Variants in COL5A2 observed in about 807,000 individuals in gnomAD.
COL5A2 encodes collagen type V alpha 2 chain.
A neutral mutation model predicts 208.2 loss-of-function variants in COL5A2; 23 were observed. The observed-to-expected ratio is 0.11, with a 90% CI of 0.08 to 0.16. The LOEUF (loss-of-function observed/expected upper bound fraction) is 0.16, where lower values mean the gene tolerates loss of function less well. Among genes scored for constraint, COL5A2 ranks in the 10% least tolerant of loss-of-function variants. The pLI, the probability that COL5A2 is intolerant of heterozygous loss-of-function variation, is 1.00. For synonymous variants in COL5A2, 625 were observed against 628.5 expected, an observed-to-expected ratio of 0.99 and a Z score of 0.08; for missense variants, 1,590 against 1,956.4, an observed-to-expected ratio of 0.81 and a Z score of 3.53.
At position 189,100,103 on chromosome 2, in the gene COL5A2, T is replaced by G; in HGVS notation, c.369+4A>C. On this transcript the variant is annotated splice_donor_region_variant and intron_variant, in intron 4 of 53. Coordinates refer to ENST00000374866, the MANE Select transcript of COL5A2 (RefSeq NM_000393.5). Reference sequence around the variant, plus strand: ...AAGGAAACAATGATTATACATATACTTACAACAGGCACTAATCCTGGTTCT... The same window carrying G: ...AAGGAAACAATGATTATACATATACGTACAACAGGCACTAATCCTGGTTCT... 1 of 1,607,680 alleles carries G rather than the reference T, an allele frequency of 6.2e-7. No homozygotes were observed. Among genetic ancestry groups the G allele is most frequent in the Non-Finnish European group, 8.5e-7 (1 of 1,174,388 alleles).
the COL5A2 span, among the ~76,000 whole-genome samples, chr2:189,349,880 G>A: frequency 1.3e-5 from 2 of 151,936 alleles, no homozygotes; most frequent in Admixed American, 6.6e-5. Context: ...ATTGCCTTTG[G>A]AAAATTACTC....
intron 46 of COL5A2, 55 bp downstream of exon 46, chr2:189,045,745 T>C: frequency 7.4e-7 from 1 of 1,357,982 alleles, no homozygotes. Flanking sequence ...ATGCAGCTTA[T>C]AACATAGCAT....
the COL5A2 span, among the ~76,000 whole-genome samples, chr2:189,339,061 A>AT: frequency 1.3e-5 from 2 of 152,098 alleles, no homozygotes; most frequent in Admixed American, 6.5e-5. Flanking sequence ...AGCATTTTAG[A>AT]TTTTTTCAGG....
At chr2:189,381,267 ATC>A in the COL5A2 span, among the ~76,000 whole-genome samples, 1 of 152,034 alleles carries the variant, frequency 6.6e-6, no homozygotes, top group Non-Finnish European at 1.5e-5. Flanking sequence ...TAGGAAGACT[ATC>A]TCTGATGAAG....
chr2:189,175,657 C>T (rs1688664374), intron 1 of COL5A2, among the ~76,000 whole-genome samples: 1 of 151,424 alleles, frequency 6.6e-6, no homozygotes, highest in African/African-American at 2.4e-5. Flanking sequence ...AACTCTCGTG[C>T]CTCAGTCTCC....
At chr2:189,393,411 C>G in the COL5A2 span, among the ~76,000 whole-genome samples, 1 of 151,944 alleles carries the variant, frequency 6.6e-6, no homozygotes, top group Non-Finnish European at 1.5e-5. Context: ...CTCATTAATT[C>G]TTTTTTTAAT....
At chr2:189,075,624 A>G (rs78459869) in intron 16 of COL5A2, among the ~76,000 whole-genome samples, 187 bp from the exon 17 acceptor site, 1 of 152,224 alleles carries the variant, frequency 6.6e-6, no homozygotes, top group Non-Finnish European at 1.5e-5. Flanking sequence ...GTAGTCATAA[A>G]TGCATCTATC....
At chr2:189,117,546 G>A (rs762124886) in intron 1 of COL5A2, among the ~76,000 whole-genome samples, 2 of 151,964 alleles carry the variant, frequency 1.3e-5, no homozygotes, top group African/African-American at 4.8e-5. Flanking sequence ...ACAAAAATCT[G>A]CTTAACTGTT....
chr2:189,134,977 G>A (rs930657317), intron 1 of COL5A2, among the ~76,000 whole-genome samples: 18 of 151,890 alleles, frequency 1.2e-4, no homozygotes, highest in African/African-American at 3.9e-4. Context: ...TTAAAGTTTT[G>A]AAAAGTTATC....
intron 1 of COL5A2, among the ~76,000 whole-genome samples, chr2:189,188,725 C>G (rs970505958): frequency 6.6e-6 from 1 of 152,128 alleles, no homozygotes; most frequent in African/African-American, 2.4e-5. Flanking sequence ...AAGTTAAAGG[C>G]CTAAGTCTCA....
the COL5A2 span, among the ~76,000 whole-genome samples, chr2:189,307,854 G>A: frequency 1.2e-4 from 19 of 152,262 alleles, no homozygotes; most frequent in African/African-American, 4.1e-4. Flanking sequence ...TTGTAGCAGG[G>A]CACATCTGCC....
At chr2:189,214,168 C>T (rs1020173822) in intron 1 of COL5A2, among the ~76,000 whole-genome samples, 2 of 152,008 alleles carry the variant, frequency 1.3e-5, no homozygotes, top group Admixed American at 6.6e-5. Context: ...AGCTTATATT[C>T]ATCTATTCAG....
chr2:189,210,894 A>C (rs1440223103), intron 1 of COL5A2, among the ~76,000 whole-genome samples: 1 of 152,216 alleles, frequency 6.6e-6, no homozygotes, highest in East Asian at 1.9e-4. Flanking sequence ...GATCTATGCC[A>C]AGTAATCTGC....
chr2:189,393,201 A>C, the COL5A2 span, among the ~76,000 whole-genome samples: 592 of 152,200 alleles, frequency 3.9e-3, 15 homozygotes, highest in East Asian at 0.041. Flanking sequence ...AAAACACACA[A>C]AAAAATTGCT....
chr2:189,259,070 C>T, the COL5A2 span, among the ~76,000 whole-genome samples: 13 of 152,148 alleles, frequency 8.5e-5, no homozygotes, highest in East Asian at 7.7e-4. Context: ...AGACAGCAGA[C>T]GGGAAGATCA....
At chr2:189,068,165 G>C (rs1426715005) in intron 20 of COL5A2, 52 bp from the exon 21 acceptor site, 2 of 1,602,538 alleles carry the variant, frequency 1.2e-6, no homozygotes, top group South Asian at 1.1e-5. Context: ...TAGCAGTCTG[G>C]GGCCAATGTC....
intron 48 of COL5A2, 150 bp downstream of exon 48, chr2:189,043,001 A>G: frequency 5.1e-6 from 4 of 779,696 alleles, no homozygotes; most frequent in Non-Finnish European, 8.7e-6. Context: ...TATTATTGGC[A>G]ATTATCACTT....
intron 1 of COL5A2, among the ~76,000 whole-genome samples, chr2:189,121,736 CAAAAAAAAAAA>C (rs3084490): frequency 1.3e-5 from 1 of 77,700 alleles, no homozygotes; most frequent in African/African-American, 4.9e-5. Flanking sequence ...GACTCCGTCT[CAAAAAAAAAAA>C]AAAAAAAAAA....
At chr2:189,227,157 G>A (rs1689431618), upstream of COL5A2, among the ~76,000 whole-genome samples, 1 of 151,928 alleles carries the variant, frequency 6.6e-6, no homozygotes, top group Non-Finnish European at 1.5e-5. Flanking sequence ...TGAGAGAGGT[G>A]GTTTGTATTT....
Sources: allele counts gnomAD v4.1 joint callset (sites outside exome capture counted in the v4.1 genomes callset), GRCh38; gene constraint gnomAD v4.1.1; transcripts MANE v1.5; gene names NCBI Gene and HGNC (gene_info 2026-07-23, HGNC 2026-07-21).